The following AKAP7 variants were observed in gnomAD, a reference collection of about 807,000 sequenced individuals.
AKAP7 encodes A-kinase anchoring protein 7.
AKAP7 carries 39 observed loss-of-function variants against 39.5 expected under a neutral mutation model. The ratio of observed to expected loss-of-function variants is 0.99; its 90% CI spans 0.76 to 1.29. The LOEUF is 1.29. Among genes scored for constraint, AKAP7 ranks in the 50% most tolerant of loss-of-function variants. The pLI is 0.00. For synonymous variants in AKAP7, 140 were observed against 139.1 expected (o/e 1.01, Z -0.05); for missense variants, 414 against 407.7 (o/e 1.02, Z -0.13).
At chr6:131,138,925 T>G (rs1800801238) in intron 1 of AKAP7, among the ~76,000 whole-genome samples, 1 of 152,216 alleles carries the variant, frequency 6.6e-6, no homozygotes, top group South Asian at 2.1e-4. Flanking sequence ...TTAATGCATT[T>G]GGAAGCATAA....
intron 2 of AKAP7, among the ~76,000 whole-genome samples, chr6:131,151,516 G>A (rs1449329924): frequency 2.0e-5 from 3 of 151,336 alleles, no homozygotes; most frequent in East Asian, 2.0e-4. Flanking sequence ...AGGCTGAGGC[G>A]GGTGGATCAC....
At chr6:131,238,517 C>A (rs1811273072) in intron 7 of AKAP7, among the ~76,000 whole-genome samples, 1 of 152,096 alleles carries the variant, frequency 6.6e-6, no homozygotes, top group Non-Finnish European at 1.5e-5. Flanking sequence ...GTTAAAGTCT[C>A]CCATTATTAT....
the AKAP7 span, among the ~76,000 whole-genome samples, chr6:131,130,242 C>T: frequency 6.6e-6 from 1 of 152,200 alleles, no homozygotes; most frequent in South Asian, 2.1e-4. Context: ...TCCCAAAAAT[C>T]TTCTGTGATG....
chr6:131,226,979 G>A (rs1341571001), intron 7 of AKAP7, among the ~76,000 whole-genome samples: 1 of 152,156 alleles, frequency 6.6e-6, no homozygotes, highest in Non-Finnish European at 1.5e-5. Context: ...TGATACAGAA[G>A]CACCGGACAG....
chr6:131,266,724 CTCTG>C (rs1461052810), intron 7 of AKAP7, among the ~76,000 whole-genome samples: 27 of 151,618 alleles, frequency 1.8e-4, no homozygotes, highest in South Asian at 1.3e-3. Context: ...TAACGGTGTG[CTCTG>C]TCTCTCTGTT....
the AKAP7 span, among the ~76,000 whole-genome samples, chr6:131,126,617 T>C: frequency 6.6e-6 from 1 of 152,168 alleles, no homozygotes; most frequent in African/African-American, 2.4e-5. Flanking sequence ...ATGGAGACTA[T>C]AAAATCCCTG....
intron 7 of AKAP7, among the ~76,000 whole-genome samples, chr6:131,274,809 T>C (rs1324860315): frequency 6.6e-6 from 1 of 152,214 alleles, no homozygotes; most frequent in East Asian, 1.9e-4. Flanking sequence ...TGCATCGTGC[T>C]TTCTCATGCT....
intron 6 of AKAP7, among the ~76,000 whole-genome samples, chr6:131,210,004 A>T (rs375145225): frequency 2.0e-5 from 3 of 152,238 alleles, no homozygotes; most frequent in Admixed American, 1.3e-4. Flanking sequence ...AATTATTTGG[A>T]TGGCAAGAAG....
the AKAP7 span, among the ~76,000 whole-genome samples, chr6:131,128,849 A>T: frequency 1.3e-5 from 2 of 151,886 alleles, no homozygotes; most frequent in African/African-American, 4.8e-5. Context: ...GGAAATAATT[A>T]AAAAATTTAA....
At chr6:131,170,436 C>T (rs369593780) in intron 5 of AKAP7, among the ~76,000 whole-genome samples, 1 of 152,052 alleles carries the variant, frequency 6.6e-6, no homozygotes, top group Non-Finnish European at 1.5e-5. Context: ...GTAATCTAAC[C>T]GTATTGTCCT....
chr6:131,243,434 C>T lies in AKAP7; in HGVS notation c.850+23626C>T, dbSNP rs538933981. The stretch of plus-strand genomic sequence containing the variant: ...CATGGCGTATCGGAGGCATGTCAGC[C>T]GGGGCTGTGGTGGACCATGACAGAT... On this transcript the variant is annotated intron_variant, in intron 7 of 7. Transcript: ENST00000431975. Among the ~76,000 whole-genome samples the T allele has an allele frequency of 2.4e-4, 36 of 152,216 alleles. No individual in the cohort carries two copies. In the East Asian group the frequency reaches 5.8e-3, roughly 24 times the overall value.
intron 1 of AKAP7, among the ~76,000 whole-genome samples, chr6:131,137,987 T>G (rs1404854163): frequency 3.9e-5 from 6 of 152,198 alleles, no homozygotes. Context: ...TTTTCTGTCA[T>G]TGCATTCTTC....
chr6:131,138,990 G>A (rs939942471), intron 1 of AKAP7, among the ~76,000 whole-genome samples: 14 of 152,222 alleles, frequency 9.2e-5, no homozygotes, highest in African/African-American at 3.4e-4. Context: ...AGAACAAATT[G>A]TAGGAGACTT....
intron 4 of AKAP7, among the ~76,000 whole-genome samples, chr6:131,167,816 C>A (rs1258057057): frequency 6.6e-6 from 1 of 152,084 alleles, no homozygotes; most frequent in Non-Finnish European, 1.5e-5. Flanking sequence ...AAAACTTTAC[C>A]TGAAGACTAA....
At chr6:131,235,272 G>A (rs1227396079) in intron 7 of AKAP7, among the ~76,000 whole-genome samples, 1 of 152,186 alleles carries the variant, frequency 6.6e-6, no homozygotes, top group Non-Finnish European at 1.5e-5. Context: ...ATTCCATGGT[G>A]TATATGTGCC....
chr6:131,253,065 C>T (rs775850322), intron 7 of AKAP7: 5 of 1,613,594 alleles, frequency 3.1e-6, no homozygotes, highest in South Asian at 1.1e-5. Context: ...CCTCTGCAGT[C>T]CTACAGAGAT....
intron 5 of AKAP7, among the ~76,000 whole-genome samples, chr6:131,198,022 T>C (rs1304943783): frequency 6.6e-6 from 1 of 152,180 alleles, no homozygotes; most frequent in Admixed American, 6.6e-5. Flanking sequence ...TTGAAACATA[T>C]GACTACTTGA....
chr6:131,137,005 A>G (rs1800604107), intron 1 of AKAP7, among the ~76,000 whole-genome samples: 2 of 152,188 alleles, frequency 1.3e-5, no homozygotes, highest in African/African-American at 4.8e-5. Context: ...CTGTTGGCTC[A>G]GGTGGAAGTG....
intron 5 of AKAP7, 138 bp downstream of exon 5, chr6:131,169,411 C>A: frequency 1.0e-6 from 1 of 958,464 alleles, no homozygotes; most frequent in South Asian, 1.5e-5. Flanking sequence ...CTGTCCCAAT[C>A]ATAAGTCTGA....
Sources: gnomAD v4.1 joint callset for allele counts (sites outside exome capture counted in the v4.1 genomes callset) on GRCh38, gnomAD v4.1.1 for gene constraint, MANE v1.5 for transcripts, NCBI Gene and HGNC (gene_info 2026-07-23, HGNC 2026-07-21) for gene names.